PSD3: variants seen among roughly 807,000 people sequenced by gnomAD.
PSD3 encodes the protein PH and SEC7 domain-containing protein 3.
Under a neutral mutation model 105.5 loss-of-function variants are expected in PSD3, and 49 were observed. The observed-to-expected ratio is 0.46, with a 90% confidence interval of 0.37 to 0.59. The LOEUF (loss-of-function observed/expected upper bound fraction) is 0.59. Ranked by LOEUF, PSD3 falls within the 20% of genes least tolerant of loss-of-function variation. The pLI is 0.00. For missense variants in PSD3, 1,561 were observed against 1,263.8 expected, an observed-to-expected ratio of 1.24 and a Z score of -3.57; for synonymous variants, 557 against 457.8, an observed-to-expected ratio of 1.22 and a Z score of -2.77.
At chr8:18,759,348 C>T (rs977859668) in intron 9 of PSD3, among the ~76,000 whole-genome samples, 1 of 152,110 alleles carries the variant, frequency 6.6e-6, no homozygotes, top group Non-Finnish European at 1.5e-5. Context: ...TGTCTTCTAA[C>T]TAGAATTATT....
At chr8:19,071,267 C>T (rs13267386) in intron 1 of PSD3, among the ~76,000 whole-genome samples, 42,307 of 151,950 alleles carry the variant, frequency 0.28, 6,224 homozygotes, top group South Asian at 0.36. Context: ...GGGGTTTTGC[C>T]GTGTTGGCCA....
rs11431700 is a variant in PSD3, at chr8:19,021,558, CAAA to C, written c.324+62645_324+62647del. ...TTATATTTTATTTGCTTTTTTGTTA[CAAA>C]AAAAAAAAAAACCCATAGCTTCTTG... On this transcript the variant is annotated intron_variant, in intron 1 of 1. Transcript: ENST00000521475. Among the ~76,000 whole-genome samples, 27 of 130,932 alleles carry C rather than the reference CAAA, an allele frequency of 2.1e-4. No homozygotes were observed. In the East Asian group the frequency reaches 4.9e-3, roughly 24 times the overall value. The allele number at this position is 130,932 out of a possible 152,430, so 85.9% of individuals were successfully genotyped here.
intron 8 of PSD3, among the ~76,000 whole-genome samples, chr8:18,773,848 T>C (rs935781595): frequency 6.6e-6 from 1 of 152,164 alleles, no homozygotes; most frequent in African/African-American, 2.4e-5. Context: ...GTTTGGAGAG[T>C]ACTTCAGTCT....
At chr8:18,816,775 C>G (rs909366164) in intron 4 of PSD3, among the ~76,000 whole-genome samples, 1 of 152,218 alleles carries the variant, frequency 6.6e-6, no homozygotes, top group Non-Finnish European at 1.5e-5. Context: ...TTACGACTCA[C>G]ACACTGTTCC....
chr8:18,686,552 G>T (rs1800672090), intron 9 of PSD3, among the ~76,000 whole-genome samples: 1 of 152,192 alleles, frequency 6.6e-6, no homozygotes, highest in Admixed American at 6.5e-5. Flanking sequence ...GCTGCTAGCA[G>T]TCTCACAGCA....
At chr8:18,632,514 CATA>C in intron 11 of PSD3, 96 bp downstream of exon 11, 1 of 1,323,944 alleles carries the variant, frequency 7.6e-7, no homozygotes, top group Non-Finnish European at 1.0e-6. Flanking sequence ...TATAGATAAA[CATA>C]ATTTTTTCAT....
At chr8:18,566,852 AT>A (rs1318433567) in intron 14 of PSD3, among the ~76,000 whole-genome samples, 1 of 152,202 alleles carries the variant, frequency 6.6e-6, no homozygotes, top group Non-Finnish European at 1.5e-5. Context: ...AAAATTATGC[AT>A]TCTATTTTTG....
chr8:18,799,264 T>C (rs1810472154), intron 8 of PSD3, 31 bp downstream of exon 8: 2 of 1,551,050 alleles, frequency 1.3e-6, no homozygotes, highest in South Asian at 1.1e-5. Context: ...CCGACATGTT[T>C]TGGATCTAAG....
chr8:18,721,564 T>C (rs1452803546), intron 9 of PSD3, among the ~76,000 whole-genome samples: 5 of 152,164 alleles, frequency 3.3e-5, no homozygotes, highest in Admixed American at 6.5e-5. Flanking sequence ...AAGGTGATAT[T>C]GTATAAGGTT....
intron 1 of PSD3, among the ~76,000 whole-genome samples, chr8:19,061,482 G>C (rs192901814): frequency 6.6e-6 from 1 of 152,150 alleles, no homozygotes; most frequent in East Asian, 1.9e-4. Context: ...TTGTTTGCTG[G>C]TGAACTTGTT....
chr8:19,059,034 C>T (rs1301103213), intron 1 of PSD3, among the ~76,000 whole-genome samples: 1 of 152,174 alleles, frequency 6.6e-6, no homozygotes, highest in South Asian at 2.1e-4. Context: ...TTGACTGTCC[C>T]CCAGTGATCT....
At chr8:19,025,018 A>G (rs1309265470) in intron 1 of PSD3, among the ~76,000 whole-genome samples, 3 of 152,128 alleles carry the variant, frequency 2.0e-5, no homozygotes, top group Non-Finnish European at 4.4e-5. Flanking sequence ...AGAACAGAAA[A>G]TTCCAAGCAG....
chr8:18,717,416 T>C (rs1802671115), intron 9 of PSD3, among the ~76,000 whole-genome samples: 1 of 152,146 alleles, frequency 6.6e-6, no homozygotes, highest in South Asian at 2.1e-4. Flanking sequence ...GGAGCATTTA[T>C]TACTGTTATG....
intron 1 of PSD3, among the ~76,000 whole-genome samples, chr8:19,043,429 A>G (rs1828197538): frequency 6.6e-6 from 1 of 152,202 alleles, no homozygotes; most frequent in Non-Finnish European, 1.5e-5. Flanking sequence ...CCTTGAACTT[A>G]ACAAATTCTG....
intron 9 of PSD3, among the ~76,000 whole-genome samples, chr8:18,705,975 T>C (rs944079885): frequency 3.3e-5 from 5 of 152,202 alleles, no homozygotes; most frequent in Non-Finnish European, 7.4e-5. Flanking sequence ...ACTCCATTGA[T>C]GTTGACCACA....
intron 9 of PSD3, among the ~76,000 whole-genome samples, chr8:18,714,657 C>A (rs967214701): frequency 6.6e-6 from 1 of 152,176 alleles, no homozygotes; most frequent in Non-Finnish European, 1.5e-5. Flanking sequence ...TTTGGAAAAA[C>A]AGCAACGCTT....
At chr8:18,833,320 G>A (rs1427068774) in intron 4 of PSD3, among the ~76,000 whole-genome samples, 1 of 152,182 alleles carries the variant, frequency 6.6e-6, no homozygotes, top group African/African-American at 2.4e-5. Context: ...AGGTGGAGGT[G>A]AGCAGCTGCT....
intron 15 of PSD3, among the ~76,000 whole-genome samples, chr8:18,541,154 C>G (rs1272206370): frequency 2.1e-5 from 2 of 93,450 alleles, no homozygotes; most frequent in African/African-American, 2.8e-5. Context: ...TTATATTTTA[C>G]TTGAAAAAAA....
At chr8:18,980,186 C>T (rs1185467212) in intron 1 of PSD3, among the ~76,000 whole-genome samples, 1 of 152,236 alleles carries the variant, frequency 6.6e-6, no homozygotes, top group East Asian at 1.9e-4. Context: ...GAGTGAGACT[C>T]CACCTCTGCC....
Sources: allele counts gnomAD v4.1 joint callset (sites outside exome capture counted in the v4.1 genomes callset), GRCh38; gene constraint gnomAD v4.1.1; transcripts MANE v1.5; gene names NCBI Gene and HGNC (gene_info 2026-07-23, HGNC 2026-07-21).